ACTR3C: variants seen among roughly 807,000 people sequenced by gnomAD.
ACTR3C encodes the protein actin related protein 3C.
A neutral mutation model predicts 26.3 loss-of-function variants in ACTR3C; 18 were observed. That is an observed-to-expected ratio of 0.68 (90% CI 0.47 to 1.01). The LOEUF (loss-of-function observed/expected upper bound fraction) is 1.01, where lower values mean the gene tolerates loss of function less well. Ranked by LOEUF, ACTR3C falls within the 50% of genes least tolerant of loss-of-function variation. The pLI is 0.00. For missense variants in ACTR3C, 184 were observed against 250.7 expected (o/e 0.73, Z 1.80); for synonymous variants, 55 against 94.5 (o/e 0.58, Z 2.42).
chr7:149,887,947 A>G, the ACTR3C span, among the ~76,000 whole-genome samples: 2 of 152,336 alleles, frequency 1.3e-5, no homozygotes, highest in African/African-American at 4.8e-5. Flanking sequence ...GCCTCCTGCC[A>G]TGATTCTGAG....
At chr7:150,194,402 T>A in the ACTR3C span, among the ~76,000 whole-genome samples, 1 of 148,848 alleles carries the variant, frequency 6.7e-6, no homozygotes, top group Non-Finnish European at 1.5e-5. Context: ...ATATAACTAC[T>A]CCAGCTTCTT....
the ACTR3C span, among the ~76,000 whole-genome samples, chr7:150,229,541 G>T: frequency 0.06 from 9,068 of 151,936 alleles, 860 homozygotes; most frequent in African/African-American, 0.21. Context: ...CTGGAGTGCA[G>T]TGGTGAGATC....
chr7:149,945,494 A>T, the ACTR3C span, among the ~76,000 whole-genome samples: 1 of 152,216 alleles, frequency 6.6e-6, no homozygotes, highest in Non-Finnish European at 1.5e-5. Flanking sequence ...TTACAAGCGC[A>T]GGAATGCAGT....
the ACTR3C span, chr7:150,047,862 C>A: frequency 1.3e-6 from 2 of 1,491,662 alleles, no homozygotes; most frequent in Non-Finnish European, 1.8e-6. Flanking sequence ...CATCGGGCAC[C>A]GCGCTCCTGC....
chr7:149,909,931 A>C, the ACTR3C span, among the ~76,000 whole-genome samples: 1 of 150,022 alleles, frequency 6.7e-6, no homozygotes, highest in Non-Finnish European at 1.5e-5. Context: ...CTAGTAGAAA[A>C]AAAGAAACAC....
the ACTR3C span, among the ~76,000 whole-genome samples, chr7:150,038,364 A>G: frequency 1.4e-5 from 2 of 143,036 alleles, no homozygotes; most frequent in Admixed American, 6.8e-5. Flanking sequence ...TGACGCATAC[A>G]ATGGAAAAGG....
At chr7:149,953,011 G>GA in the ACTR3C span, among the ~76,000 whole-genome samples, 72 of 151,368 alleles carry the variant, frequency 4.8e-4, 1 homozygote, top group South Asian at 2.3e-3. Flanking sequence ...ATATATGTAC[G>GA]AAAAACGGCA....
chr7:150,210,017 C>T, the ACTR3C span, among the ~76,000 whole-genome samples: 6 of 149,574 alleles, frequency 4.0e-5, no homozygotes, highest in African/African-American at 1.5e-4. Context: ...TTATGAAAAA[C>T]TCTCAACTCA....
At chr7:149,984,203 T>A in the ACTR3C span, among the ~76,000 whole-genome samples, 4 of 107,568 alleles carry the variant, frequency 3.7e-5, no homozygotes, top group African/African-American at 2.7e-4. Flanking sequence ...AGGGATTCCT[T>A]TTTTTTTTTT....
At chr7:150,037,723 G>C in the ACTR3C span, among the ~76,000 whole-genome samples, 4 of 96,474 alleles carry the variant, frequency 4.1e-5, no homozygotes, top group African/African-American at 8.2e-5. Context: ...CCTAAGCCAG[G>C]GGGGAAGAGG....
chr7:150,112,244 C>T, the ACTR3C span, among the ~76,000 whole-genome samples: 13 of 152,126 alleles, frequency 8.5e-5, no homozygotes, highest in Non-Finnish European at 8.8e-5. Context: ...TGGGAACGGC[C>T]TCCTTCCTGG....
chr7:150,267,183 A>T lies in ACTR3C; in HGVS notation c.564+17570T>A, dbSNP rs561343988. On this transcript the variant is annotated intron_variant, in intron 6 of 7. Coordinates refer to ENST00000683684, the MANE Select transcript of ACTR3C (RefSeq NM_001164458.2). ...CAAATGACATGCACACCTCAAAAGC[A>T]CCGAGTGAAGGAAGCCGGAAACAGA... Among the ~76,000 whole-genome samples, 5 of 152,304 alleles carry T rather than the reference A, an allele frequency of 3.3e-5. No individual in the cohort carries two copies. The South Asian group carries it at 1.0e-3, about 32-fold the overall frequency.
At chr7:150,013,731 C>T in the ACTR3C span, among the ~76,000 whole-genome samples, 1 of 152,306 alleles carries the variant, frequency 6.6e-6, no homozygotes, top group East Asian at 1.9e-4. Context: ...ACCTAGACCT[C>T]AGTCATGCTG....
chr7:150,188,639 G>A, the ACTR3C span, among the ~76,000 whole-genome samples: 23 of 151,892 alleles, frequency 1.5e-4, 1 homozygote, highest in Admixed American at 1.2e-3. Context: ...GAGGGGAGGG[G>A]ATTGGTAACA....
the ACTR3C span, among the ~76,000 whole-genome samples, chr7:149,897,317 TTTGG>T: frequency 1.1e-4 from 17 of 152,206 alleles, no homozygotes; most frequent in Admixed American, 5.2e-4. Flanking sequence ...AAAGCTAATC[TTTGG>T]TTTGTGAGCG....
At chr7:149,924,406 C>T in the ACTR3C span, among the ~76,000 whole-genome samples, 1 of 152,038 alleles carries the variant, frequency 6.6e-6, no homozygotes, top group Admixed American at 6.6e-5. Flanking sequence ...CATTCGCAAA[C>T]CCTCTTAGAC....
the ACTR3C span, among the ~76,000 whole-genome samples, chr7:150,101,859 T>C: frequency 6.6e-6 from 1 of 151,616 alleles, no homozygotes; most frequent in South Asian, 2.1e-4. Context: ...GTAATGAAAA[T>C]TGGGGTACAT....
the ACTR3C span, among the ~76,000 whole-genome samples, chr7:149,895,529 T>A: frequency 6.6e-6 from 1 of 152,104 alleles, no homozygotes; most frequent in Admixed American, 6.5e-5. Flanking sequence ...TCTGTCAATT[T>A]AAAAAAATAA....
At chr7:149,965,314 A>G in the ACTR3C span, among the ~76,000 whole-genome samples, 2 of 99,104 alleles carry the variant, frequency 2.0e-5, no homozygotes, top group African/African-American at 7.7e-5. Flanking sequence ...TTAGTAAGAG[A>G]AAAACCCCTT....
Sources: gnomAD v4.1 joint callset for allele counts (sites outside exome capture counted in the v4.1 genomes callset) on GRCh38, gnomAD v4.1.1 for gene constraint, MANE v1.5 for transcripts, NCBI Gene and HGNC (gene_info 2026-07-23, HGNC 2026-07-21) for gene names.